PLCB4: variants seen among roughly 807,000 people sequenced by gnomAD.
The protein encoded by PLCB4 is phospholipase C beta 4, also known as 1-phosphatidylinositol 4,5-bisphosphate phosphodiesterase beta-4.
PLCB4 carries 77 observed loss-of-function variants against 178.8 expected under a neutral mutation model. That is an observed-to-expected ratio of 0.43 (90% confidence interval 0.36 to 0.52). PLCB4 has a LOEUF of 0.52. PLCB4 is among the 20% of genes least tolerant of loss of function. The pLI is 0.00. For missense variants in PLCB4, 1,024 were observed against 1,453.4 expected, an observed-to-expected ratio of 0.70 and a Z score of 4.80; for synonymous variants, 496 against 490.8, an observed-to-expected ratio of 1.01 and a Z score of -0.14.
intron 35 of PLCB4, among the ~76,000 whole-genome samples, chr20:9,460,922 C>G (rs2122469463): frequency 6.6e-6 from 1 of 152,188 alleles, no homozygotes; most frequent in East Asian, 1.9e-4. Context: ...TGTGCTGTAC[C>G]CCCATGCATT....
At chr20:9,083,340 A>G (rs1457358848) in intron 1 of PLCB4, among the ~76,000 whole-genome samples, 6 of 150,312 alleles carry the variant, frequency 4.0e-5, no homozygotes, top group Non-Finnish European at 8.9e-5. Flanking sequence ...TGAGACCCTC[A>G]GAAAGGAAGT....
chr20:9,337,747 T>C (rs2032656338), intron 5 of PLCB4, among the ~76,000 whole-genome samples: 1 of 152,166 alleles, frequency 6.6e-6, no homozygotes, highest in African/African-American at 2.4e-5. Flanking sequence ...AAGTAACAGA[T>C]TTTAGAAACA....
chr20:9,224,057 A>G (rs995333751), intron 3 of PLCB4, among the ~76,000 whole-genome samples: 3 of 152,214 alleles, frequency 2.0e-5, no homozygotes, highest in Admixed American at 6.5e-5. Context: ...ACCTGAAATC[A>G]TGGAAAGCAA....
chr20:9,328,930 G>A (rs995077931), intron 4 of PLCB4, among the ~76,000 whole-genome samples: 1 of 152,214 alleles, frequency 6.6e-6, no homozygotes, highest in African/African-American at 2.4e-5. Context: ...GTGAAATGCA[G>A]AAAGTTTAAT....
At chr20:9,125,597 A>G (rs1193755743) in intron 2 of PLCB4, among the ~76,000 whole-genome samples, 1 of 152,228 alleles carries the variant, frequency 6.6e-6, no homozygotes, top group Non-Finnish European at 1.5e-5. Flanking sequence ...GCACACATGC[A>G]TATATGAATA....
chr20:9,419,973 A>G, intron 26 of PLCB4, 64 bp downstream of exon 26: 3 of 971,114 alleles, frequency 3.1e-6, no homozygotes, highest in Non-Finnish European at 3.3e-6. Context: ...GAAAGAAATT[A>G]TAAAATATTG....
chr20:9,302,943 A>C (rs1206922923), intron 3 of PLCB4, among the ~76,000 whole-genome samples: 2 of 152,160 alleles, frequency 1.3e-5, no homozygotes, highest in Non-Finnish European at 2.9e-5. Flanking sequence ...ATGAATTAAA[A>C]GGGATGGTTG....
chr20:9,394,981 T>C (rs575227678), intron 18 of PLCB4, among the ~76,000 whole-genome samples: 11 of 152,322 alleles, frequency 7.2e-5, no homozygotes, highest in Middle Eastern at 3.4e-3. Flanking sequence ...TTGTGGTTTG[T>C]CCCTATGTGT....
In PLCB4 at chr20:9,433,202, C is replaced by T. The variant is rs6039468; in HGVS notation, c.2525-2358C>T. On this transcript the variant is annotated intron_variant, in intron 28 of 39. Coordinates refer to ENST00000378473, the MANE Select transcript of PLCB4 (RefSeq NM_001377142.1). ...TCCTGAGCCTACTTGAGGAACTTAG[C>T]GTCACAAATGGGACAACCAGCCTTT... is the stretch of plus-strand genomic sequence containing the variant. Among the ~76,000 whole-genome samples the T allele has an allele frequency of 6.4e-3, 970 of 152,276 alleles. 13 individuals are homozygous for T. The highest frequency in any genetic ancestry group is 0.022 in the African/African-American group (914 of 41,550).
intron 3 of PLCB4, among the ~76,000 whole-genome samples, chr20:9,241,519 A>G (rs1413007898): frequency 9.9e-5 from 15 of 152,204 alleles, no homozygotes; most frequent in Admixed American, 9.8e-4. Flanking sequence ...AAGAAATGTG[A>G]TAATTGTTGA....
chr20:9,328,073 A>G (rs138316017), intron 4 of PLCB4, among the ~76,000 whole-genome samples: 46 of 152,330 alleles, frequency 3.0e-4, no homozygotes, highest in Middle Eastern at 3.4e-3. Context: ...AATATGTACC[A>G]CCAGATAAAA....
chr20:9,243,795 T>C (rs1360540501), intron 3 of PLCB4, among the ~76,000 whole-genome samples: 1 of 152,192 alleles, frequency 6.6e-6, no homozygotes, highest in African/African-American at 2.4e-5. Context: ...CAACCTTTGG[T>C]TAGTTTGTGC....
chr20:9,408,296 A>G (rs901083612), intron 22 of PLCB4, among the ~76,000 whole-genome samples: 1 of 152,244 alleles, frequency 6.6e-6, no homozygotes, highest in Non-Finnish European at 1.5e-5. Context: ...AGTGCTGGGC[A>G]TGTAGCTTCT....
chr20:9,086,891 C>G (rs1323221098), intron 1 of PLCB4, among the ~76,000 whole-genome samples: 1 of 152,184 alleles, frequency 6.6e-6, no homozygotes, highest in Non-Finnish European at 1.5e-5. Flanking sequence ...GCTTCTAGAA[C>G]TATTTCTTTT....
At chr20:9,316,311 C>CA (rs1396528861) in intron 4 of PLCB4, among the ~76,000 whole-genome samples, 4 of 152,160 alleles carry the variant, frequency 2.6e-5, no homozygotes, top group African/African-American at 2.4e-5. Flanking sequence ...AAGTCCGGTG[C>CA]ACACTTAAGT....
intron 2 of PLCB4, among the ~76,000 whole-genome samples, chr20:9,194,692 CAAAAAAA>C (rs555217572): frequency 3.7e-4 from 15 of 40,804 alleles, no homozygotes; most frequent in East Asian, 1.4e-3. Context: ...GACTCCATCT[CAAAAAAA>C]AAAAAAAAAA....
intron 2 of PLCB4, among the ~76,000 whole-genome samples, chr20:9,151,078 A>G (rs373824968): frequency 7.9e-5 from 12 of 152,184 alleles, no homozygotes; most frequent in African/African-American, 2.9e-4. Flanking sequence ...TTCTGCATCC[A>G]TGGATTCAAC....
chr20:9,400,002 A>G (rs994356918), intron 19 of PLCB4, among the ~76,000 whole-genome samples: 8 of 152,174 alleles, frequency 5.3e-5, no homozygotes, highest in Middle Eastern at 3.2e-3. Flanking sequence ...CCTCGTTTAT[A>G]AGTAAAGACA....
At chr20:9,430,486 A>G (rs2041320229) in intron 28 of PLCB4, among the ~76,000 whole-genome samples, 2 of 152,374 alleles carry the variant, frequency 1.3e-5, no homozygotes, top group African/African-American at 4.8e-5. Context: ...ATCTCAAATA[A>G]GACGTTTCAA....
Sources: gnomAD v4.1 joint callset for allele counts (sites outside exome capture counted in the v4.1 genomes callset) on GRCh38, gnomAD v4.1.1 for gene constraint, MANE v1.5 for transcripts, NCBI Gene and HGNC (gene_info 2026-07-23, HGNC 2026-07-21) for gene names.